The following JARID2 variants were observed in gnomAD, a reference collection of about 807,000 sequenced individuals.
JARID2 encodes the protein protein Jumonji.
In JARID2, 21 loss-of-function variants were observed where a neutral mutation model predicts 125.6. That is an observed-to-expected ratio of 0.17 (90% confidence interval 0.12 to 0.24). JARID2 has a LOEUF of 0.24. JARID2 is among the 10% of genes least tolerant of loss of function. JARID2 has a pLI of 1.00. For missense variants in JARID2, 1,303 were observed against 1,639.6 expected (o/e 0.79, Z 3.55); for synonymous variants, 736 against 661.6 (o/e 1.11, Z -1.73).
intron 3 of JARID2, among the ~76,000 whole-genome samples, chr6:15,419,324 T>A (rs1766380846): frequency 6.6e-6 from 1 of 152,284 alleles, no homozygotes; most frequent in Non-Finnish European, 1.5e-5. Context: ...CTACAGAAAG[T>A]AAAGAAAAAT....
At chr6:15,425,780 G>A (rs935744144) in intron 3 of JARID2, among the ~76,000 whole-genome samples, 1 of 152,220 alleles carries the variant, frequency 6.6e-6, no homozygotes, top group East Asian at 1.9e-4. Context: ...TGGACTAAGA[G>A]CGCAAGTGTG....
chr6:15,304,157 G>A lies in JARID2; in HGVS notation c.45+57573G>A, dbSNP rs146071147. On this transcript the variant is annotated intron_variant, in intron 1 of 17. Transcript: ENST00000341776. ...TAGTGGCTACTCCCGCTAATAACCA[G>A]CCTTGATAACCAGCTGAGGGCGCAG... Among the ~76,000 whole-genome samples the A allele has an allele frequency of 2.3e-3, 350 of 152,174 alleles. 3 individuals are homozygous for A. The highest frequency in any genetic ancestry group is 4.1e-3 in the Non-Finnish European group (280 of 68,010).
In JARID2 at chr6:15,486,806, C is replaced by CTTTTTTTTTTTTTTTT. The variant is rs56268949; in HGVS notation, c.671-498_671-483dup. Among the ~76,000 whole-genome samples, 49 of 100,510 alleles carry CTTTTTTTTTTTTTTTT rather than the reference C, an allele frequency of 4.9e-4. 4 individuals are homozygous for CTTTTTTTTTTTTTTTT. The highest frequency in any genetic ancestry group is 1.6e-3 in the African/African-American group (33 of 20,914). 65.9% of individuals were successfully genotyped at this position (100,510 alleles called of 152,430 possible). ...CATCTCTTTTAAATCTGAGAATAGACTTTTTTTTTTTTTTTTTTGAGACAG... is the reference window on the plus strand; with the variant it reads ...CATCTCTTTTAAATCTGAGAATAGACTTTTTTTTTTTTTTTTTTTTTTTTTTTTTTTTTTGAGACAG... On this transcript the variant is annotated intron_variant, in intron 5 of 17. Transcript: ENST00000341776.
chr6:15,394,238 A>G lies in JARID2; in HGVS notation c.182-15986A>G, dbSNP rs1765131643. Among the ~76,000 whole-genome samples the G allele has an allele frequency of 2.0e-5, 3 of 152,312 alleles. No individual in the cohort carries two copies. In the South Asian group the frequency reaches 6.2e-4, roughly 32 times the overall value. On this transcript the variant is annotated intron_variant, in intron 2 of 17. Transcript: ENST00000341776. Reference sequence around the variant, plus strand: ...GGGACTTCCCAGATAAGAGCACCTCAGGCTTACGCAGCCCTGGATTGGCCT... The same window carrying G: ...GGGACTTCCCAGATAAGAGCACCTCGGGCTTACGCAGCCCTGGATTGGCCT...
intron 11 of JARID2, 116 bp downstream of exon 11, chr6:15,507,532 G>T: frequency 1.3e-6 from 1 of 765,144 alleles, no homozygotes; most frequent in Non-Finnish European, 2.2e-6. Context: ...GCGTCTTCAG[G>T]CTTACAGGAC....
At chr6:15,303,139 C>A (rs566472710) in intron 1 of JARID2, among the ~76,000 whole-genome samples, 1 of 152,298 alleles carries the variant, frequency 6.6e-6, no homozygotes, top group South Asian at 2.1e-4. Context: ...ATAAAGGTAG[C>A]CTACAGAATT....
chr6:15,283,000 A>G (rs535301516), intron 1 of JARID2, among the ~76,000 whole-genome samples: 2 of 149,772 alleles, frequency 1.3e-5, no homozygotes, highest in African/African-American at 2.5e-5. Context: ...TTTTTTTGAG[A>G]CGGAGTCTCA....
At chr6:15,358,005 A>G (rs1763665340) in intron 1 of JARID2, among the ~76,000 whole-genome samples, 1 of 152,174 alleles carries the variant, frequency 6.6e-6, no homozygotes, top group South Asian at 2.1e-4. Context: ...CTGACTCAGG[A>G]AGCCCATCTC....
chr6:15,343,346 G>A (rs1356747017), intron 1 of JARID2, among the ~76,000 whole-genome samples: 1 of 149,596 alleles, frequency 6.7e-6, no homozygotes, highest in Non-Finnish European at 1.5e-5. Flanking sequence ...TGTGATTTCT[G>A]GGGTTTTCCC....
chr6:15,504,695 A>G (rs1315442642), intron 9 of JARID2, 103 bp downstream of exon 9: 10 of 747,222 alleles, frequency 1.3e-5, no homozygotes, highest in Middle Eastern at 2.5e-4. Flanking sequence ...CGGTGAACGG[A>G]AAGGACTCAG....
At chr6:15,340,040 A>T (rs1157289289) in intron 1 of JARID2, among the ~76,000 whole-genome samples, 1 of 151,258 alleles carries the variant, frequency 6.6e-6, no homozygotes, top group Non-Finnish European at 1.5e-5. Flanking sequence ...TCTCACTGCA[A>T]CCTCTGACTC....
In JARID2 at chr6:15,504,327, G is replaced by A. The variant is rs539373856; in HGVS notation, c.2449-173G>A. ...GTCTTCCCACTCCTCTTGGCACTGCGGGTTCTTAGAGAATATATTTCTTCC... is the reference window on the plus strand; with the variant it reads ...GTCTTCCCACTCCTCTTGGCACTGCAGGTTCTTAGAGAATATATTTCTTCC... On this transcript the variant is annotated intron_variant, in intron 8 of 17. Coordinates refer to ENST00000341776, the MANE Select transcript of JARID2 (RefSeq NM_004973.4). Among the ~76,000 whole-genome samples, 8 of 152,326 alleles carry A rather than the reference G, an allele frequency of 5.3e-5. No homozygotes were observed. In the South Asian group the frequency reaches 6.2e-4, roughly 12 times the overall value.
intron 1 of JARID2, among the ~76,000 whole-genome samples, chr6:15,320,879 TGTGTTA>T (rs1762332451): frequency 6.6e-6 from 1 of 151,874 alleles, no homozygotes; most frequent in East Asian, 1.9e-4. Context: ...TGTGTGTGTG[TGTGTTA>T]GTTAAACTTG....
chr6:15,489,427 G>A (rs1770040040), intron 6 of JARID2, among the ~76,000 whole-genome samples: 1 of 152,200 alleles, frequency 6.6e-6, no homozygotes, highest in Admixed American at 6.5e-5. Context: ...ACAGACACGG[G>A]TGCGCACATC....
chr6:15,441,279 T>C (rs1767435257), intron 3 of JARID2, among the ~76,000 whole-genome samples: 1 of 152,234 alleles, frequency 6.6e-6, no homozygotes, highest in Admixed American at 6.5e-5. Flanking sequence ...GTATTACTAA[T>C]AGCGTTGATA....
At chr6:15,386,315 T>G (rs903946450) in intron 2 of JARID2, among the ~76,000 whole-genome samples, 4 of 148,928 alleles carry the variant, frequency 2.7e-5, no homozygotes, top group Non-Finnish European at 4.5e-5. Flanking sequence ...TGTGTGGGTG[T>G]GTGTGTATGT....
chr6:15,281,056 G>A (rs1255785737), intron 1 of JARID2, among the ~76,000 whole-genome samples: 1 of 152,188 alleles, frequency 6.6e-6, no homozygotes, highest in Non-Finnish European at 1.5e-5. Flanking sequence ...TGATAACTGG[G>A]AGTTTTCATG....
chr6:15,507,137 A>G lies in JARID2; in HGVS notation c.2543A>G (p.Gln848Arg). Residue 848 changes from glutamine to arginine, a missense_variant and splice_region_variant, in exon 10 of 18, where the codon CAA becomes CGA. By Grantham distance (43) the Gln-to-Arg change is conservative. Around this residue, in one of 11 missense-constraint regions of JARID2, gnomAD observed 29 missense variants for 47.7 expected, o/e 0.61. Coordinates refer to ENST00000341776, the MANE Select transcript of JARID2 (RefSeq NM_004973.4). Reference sequence around the variant, plus strand: ...CCAGCCCTTTCCTGTTCCCTGCAGCAAGAGTACTGGAGGCTAGTGGAAGAG... The same window carrying G: ...CCAGCCCTTTCCTGTTCCCTGCAGCGAGAGTACTGGAGGCTAGTGGAAGAG... ...SKEPAPAEIE[Q>R]EYWRLVEEKD... 6.3e-7 allele frequency: 1 copy of G among 1,599,938 alleles called. No homozygotes were observed. Among genetic ancestry groups the G allele is most frequent in the Non-Finnish European group, 8.6e-7 (1 of 1,167,176 alleles).
intron 3 of JARID2, among the ~76,000 whole-genome samples, chr6:15,433,410 C>CTCTGTGTG (rs1241800597): frequency 0.015 from 2,107 of 143,466 alleles, 28 homozygotes; most frequent in East Asian, 0.046. Context: ...CCATGTCTCT[C>CTCTGTGTG]TGTGTGTGTG....
Sources: allele counts gnomAD v4.1 joint callset (sites outside exome capture counted in the v4.1 genomes callset), GRCh38; gene constraint gnomAD v4.1.1; regional missense constraint gnomAD v4.1.1; transcripts MANE v1.5; gene names NCBI Gene and HGNC (gene_info 2026-07-23, HGNC 2026-07-21).